The following LUZP2 variants were observed in gnomAD, a reference collection of about 807,000 sequenced individuals.
LUZP2 encodes the protein leucine zipper protein 2.
In LUZP2, 52 loss-of-function variants were observed where a neutral mutation model predicts 51.6. The ratio of observed to expected loss-of-function variants is 1.01; its 90% CI spans 0.81 to 1.27. LUZP2 has a LOEUF of 1.27. Among genes scored for constraint, LUZP2 ranks in the 50% most tolerant of loss-of-function variants. LUZP2 has a pLI of 0.00. For synonymous variants in LUZP2, 154 were observed against 137.3 expected (o/e 1.12, Z -0.85); for missense variants, 436 against 395.4 (o/e 1.10, Z -0.87).
At chr11:24,949,946 G>A (rs1482287549) in intron 7 of LUZP2, among the ~76,000 whole-genome samples, 5 of 144,244 alleles carry the variant, frequency 3.5e-5, no homozygotes, top group African/African-American at 5.1e-5. Flanking sequence ...TGCTCCCCCC[G>A]CCCTTTTTCT....
chr11:24,590,402 A>G (rs1424665338), intron 1 of LUZP2, among the ~76,000 whole-genome samples: 1 of 152,166 alleles, frequency 6.6e-6, no homozygotes, highest in Non-Finnish European at 1.5e-5. Context: ...TGATGCATTT[A>G]TCATTTCTCT....
At position 24,590,041 on chromosome 11, in the gene LUZP2, TC is replaced by T. The variant is rs1212872265; in HGVS notation, c.62+92737del. Among the ~76,000 whole-genome samples, 7 of 152,308 alleles carry T rather than the reference TC, an allele frequency of 4.6e-5. No homozygotes were observed. In the East Asian group the frequency reaches 1.4e-3, roughly 29 times the overall value. On this transcript the variant is annotated intron_variant, in intron 1 of 11. Coordinates refer to ENST00000336930, the MANE Select transcript of LUZP2 (RefSeq NM_001009909.4). Reference sequence around the variant, plus strand: ...ACGTGCATTTAAAATTGTTCTATTTTCTCTTTTGATTCACAAGTATAAAAAC... The same window carrying T: ...ACGTGCATTTAAAATTGTTCTATTTTTCTTTTGATTCACAAGTATAAAAAC...
At chr11:24,882,893 GAAAA>G (rs1293952461) in intron 5 of LUZP2, among the ~76,000 whole-genome samples, 1 of 118,298 alleles carries the variant, frequency 8.5e-6, no homozygotes, top group Non-Finnish European at 1.7e-5. Context: ...AAGAAGGAAA[GAAAA>G]AGAAAGAGAA....
At chr11:25,011,986 G>T (rs1403817360) in intron 9 of LUZP2, among the ~76,000 whole-genome samples, 1 of 152,010 alleles carries the variant, frequency 6.6e-6, no homozygotes, top group Non-Finnish European at 1.5e-5. Flanking sequence ...GTTTTCTGAA[G>T]GCTTGTGTAT....
At chr11:25,007,228 A>G (rs1406150645) in intron 9 of LUZP2, among the ~76,000 whole-genome samples, 1 of 152,182 alleles carries the variant, frequency 6.6e-6, no homozygotes, top group Non-Finnish European at 1.5e-5. Flanking sequence ...AGCCGGGTTC[A>G]CCTCTCACTA....
chr11:24,820,049 C>T (rs1002711580), intron 5 of LUZP2, among the ~76,000 whole-genome samples: 5 of 151,794 alleles, frequency 3.3e-5, no homozygotes, highest in African/African-American at 4.8e-5. Flanking sequence ...ATTTACTGAG[C>T]GATATACACA....
intron 9 of LUZP2, among the ~76,000 whole-genome samples, chr11:25,001,296 T>G (rs1565211971): frequency 6.6e-6 from 1 of 152,178 alleles, no homozygotes; most frequent in Non-Finnish European, 1.5e-5. Context: ...GCAGACCAAT[T>G]ATTAGGCAAT....
chr11:24,920,113 TA>T (rs1240093843), intron 7 of LUZP2, among the ~76,000 whole-genome samples: 1 of 151,862 alleles, frequency 6.6e-6, no homozygotes, highest in East Asian at 1.9e-4. Context: ...AGGGGTAAAT[TA>T]AAAACAATGT....
chr11:24,862,414 GA>G (rs1406291904), intron 5 of LUZP2, among the ~76,000 whole-genome samples: 1 of 152,116 alleles, frequency 6.6e-6, no homozygotes, highest in African/African-American at 2.4e-5. Context: ...AATATGGAAA[GA>G]AAAAACTGGT....
chr11:24,699,302 G>A (rs1565084593), intron 1 of LUZP2, among the ~76,000 whole-genome samples: 1 of 151,952 alleles, frequency 6.6e-6, no homozygotes, highest in Non-Finnish European at 1.5e-5. Flanking sequence ...TTTGATAGGG[G>A]ACCTTTTCAA....
chr11:24,902,689 A>T (rs927424377), intron 5 of LUZP2, among the ~76,000 whole-genome samples: 2 of 152,206 alleles, frequency 1.3e-5, no homozygotes, highest in Non-Finnish European at 2.9e-5. Context: ...TCAATGAAAT[A>T]AATAGTATGC....
At chr11:24,983,622 T>C (rs1856103146) in intron 9 of LUZP2, among the ~76,000 whole-genome samples, 1 of 151,710 alleles carries the variant, frequency 6.6e-6, no homozygotes, top group Non-Finnish European at 1.5e-5. Flanking sequence ...AGGTTTGATA[T>C]GGGGAATATT....
At chr11:24,882,736 C>T (rs2134298419) in intron 5 of LUZP2, among the ~76,000 whole-genome samples, 1 of 149,256 alleles carries the variant, frequency 6.7e-6, no homozygotes, top group South Asian at 2.2e-4. Context: ...CCATCCATGT[C>T]TTCTCATGAC....
At chr11:24,797,314 A>G (rs1438583426) in intron 5 of LUZP2, among the ~76,000 whole-genome samples, 3 of 152,172 alleles carry the variant, frequency 2.0e-5, no homozygotes, top group Non-Finnish European at 4.4e-5. Context: ...AGGGTCGTAG[A>G]AATTCTGAAA....
chr11:25,036,019 T>C (rs1356662282), intron 9 of LUZP2, among the ~76,000 whole-genome samples: 1 of 152,110 alleles, frequency 6.6e-6, no homozygotes, highest in African/African-American at 2.4e-5. Flanking sequence ...CCCAGCTTTT[T>C]GGAATAGTTT....
At chr11:24,934,605 G>GA (rs886623613) in intron 7 of LUZP2, among the ~76,000 whole-genome samples, 6 of 149,558 alleles carry the variant, frequency 4.0e-5, no homozygotes, top group Admixed American at 6.6e-5. Flanking sequence ...ATCAGGATTT[G>GA]AAAAAAAAAT....
chr11:24,945,347 G>A (rs1379343080), intron 7 of LUZP2, among the ~76,000 whole-genome samples: 1 of 152,078 alleles, frequency 6.6e-6, no homozygotes, highest in Non-Finnish European at 1.5e-5. Flanking sequence ...AAAAGTGATT[G>A]TAACATTTTT....
At chr11:24,716,335 T>C (rs2133941799) in intron 1 of LUZP2, among the ~76,000 whole-genome samples, 1 of 152,296 alleles carries the variant, frequency 6.6e-6, no homozygotes, top group African/African-American at 2.4e-5. Flanking sequence ...AACATACTCT[T>C]GGAGGATCTT....
At chr11:24,865,423 C>T (rs550064710) in intron 5 of LUZP2, among the ~76,000 whole-genome samples, 2 of 152,230 alleles carry the variant, frequency 1.3e-5, no homozygotes, top group Admixed American at 1.3e-4. Context: ...TTGCCTATGG[C>T]AAAGATTTAG....
Sources: allele counts gnomAD v4.1 joint callset (sites outside exome capture counted in the v4.1 genomes callset), GRCh38; gene constraint gnomAD v4.1.1; transcripts MANE v1.5; gene names NCBI Gene and HGNC (gene_info 2026-07-23, HGNC 2026-07-21).